The following CD247 variants were observed in gnomAD, a reference collection of about 807,000 sequenced individuals.
CD247 encodes CD247 molecule.
CD247 carries 13 observed loss-of-function variants against 30.0 expected under a neutral mutation model. That is an observed-to-expected ratio of 0.43 (90% CI 0.28 to 0.69). The LOEUF is 0.69. CD247 is among the 30% of genes least tolerant of loss of function. CD247 has a pLI of 0.16. For synonymous variants in CD247, 72 were observed against 80.0 expected (o/e 0.90, Z 0.53); for missense variants, 193 against 212.6 (o/e 0.91, Z 0.57).
intron 1 of CD247, among the ~76,000 whole-genome samples, chr1:167,510,424 C>T (rs1481900764): frequency 6.6e-6 from 1 of 152,210 alleles, no homozygotes; most frequent in African/African-American, 2.4e-5. Flanking sequence ...ACATTGCCAA[C>T]ACCCACACTG....
At chr1:167,470,819 C>T (rs1307118713) in intron 1 of CD247, among the ~76,000 whole-genome samples, 1 of 151,198 alleles carries the variant, frequency 6.6e-6, no homozygotes, top group African/African-American at 2.4e-5. Context: ...TATAGTGCTG[C>T]AGTCAACATC....
Position 167,469,156 on chromosome 1 carries a change from T to C in CD247, c.59-28389A>G, listed in dbSNP as rs540832893. ...TGCCACAGTGCCCGGCTAATTTTTGTATTTTTAGTAGAGACAGGGTTTCAC... is the reference window on the plus strand; with the variant it reads ...TGCCACAGTGCCCGGCTAATTTTTGCATTTTTAGTAGAGACAGGGTTTCAC... On this transcript the variant is annotated intron_variant, in intron 1 of 7. Transcript: ENST00000362089. 1.8e-4 allele frequency among the ~76,000 whole-genome samples: 27 copies of C among 152,280 alleles called. No individual in the cohort carries two copies. In the East Asian group the frequency reaches 5.0e-3, roughly 28 times the overall value.
At chr1:167,487,163 G>A (rs1051850334) in intron 1 of CD247, among the ~76,000 whole-genome samples, 8 of 123,536 alleles carry the variant, frequency 6.5e-5, no homozygotes, top group African/African-American at 2.5e-4. Context: ...TGGATCACGG[G>A]GTCAGGAGTT....
chr1:167,502,020 T>C (rs533948175), intron 1 of CD247, among the ~76,000 whole-genome samples: 5 of 152,328 alleles, frequency 3.3e-5, no homozygotes, highest in African/African-American at 1.2e-4. Context: ...CACCCTCCCT[T>C]CTGACACGCA....
intron 2 of CD247, 98 bp from the exon 3 acceptor site, chr1:167,439,498 C>A: frequency 9.6e-7 from 1 of 1,044,506 alleles, no homozygotes. Context: ...AGCCCTACTC[C>A]GCTCCTTGGC....
intron 6 of CD247, among the ~76,000 whole-genome samples, chr1:167,433,734 T>C (rs1213081651): frequency 1.3e-5 from 2 of 152,262 alleles, no homozygotes; most frequent in African/African-American, 4.8e-5. Flanking sequence ...CGGCAGCACA[T>C]ATTAAGCACT....
Position 167,518,517 on chromosome 1 carries a change from G to C in CD247, c.-52C>G. ...GGGAGGCAGAGGCTGAGGCAGCGGT[G>C]GCCGGGACGGTTAGGAGAAAAGGAG... On this transcript the variant is annotated 5_prime_UTR_variant, in exon 1 of 8. Coordinates refer to ENST00000362089, the MANE Select transcript of CD247 (RefSeq NM_198053.3). 6.6e-7 allele frequency: 1 copy of C among 1,517,916 alleles called. No individual in the cohort carries two copies. Among genetic ancestry groups the C allele is most frequent in the Non-Finnish European group, 9.1e-7 (1 of 1,094,476 alleles). The allele number at this position is 1,517,916 out of a possible 1,614,324, so 94.0% of individuals were successfully genotyped here. A position where few individuals can be genotyped will look rare whatever the true frequency, so the allele number is the denominator to read the frequency against.
At chr1:167,464,333 G>A (rs1326187488) in intron 1 of CD247, among the ~76,000 whole-genome samples, 1 of 152,200 alleles carries the variant, frequency 6.6e-6, no homozygotes, top group Non-Finnish European at 1.5e-5. Flanking sequence ...ATTGAAGGCA[G>A]CTTATTTGTT....
intron 1 of CD247, among the ~76,000 whole-genome samples, chr1:167,489,552 T>G (rs1654354234): frequency 6.6e-6 from 1 of 152,206 alleles, no homozygotes; most frequent in Non-Finnish European, 1.5e-5. Context: ...ACCTAGAGGC[T>G]GTTTGCTCAG....
At chr1:167,477,065 C>G (rs921530559) in intron 1 of CD247, among the ~76,000 whole-genome samples, 8 of 152,220 alleles carry the variant, frequency 5.3e-5, no homozygotes, top group Admixed American at 5.2e-4. Flanking sequence ...GCTGAAAGCT[C>G]TCCTCCTGCT....
intron 4 of CD247, among the ~76,000 whole-genome samples, chr1:167,436,084 CA>C (rs987340771): frequency 1.3e-5 from 2 of 152,184 alleles, no homozygotes; most frequent in African/African-American, 2.4e-5. Flanking sequence ...CCTAACAAGT[CA>C]AATTTAACAA....
chr1:167,514,431 T>C (rs1655517661), intron 1 of CD247, among the ~76,000 whole-genome samples: 3 of 152,194 alleles, frequency 2.0e-5, no homozygotes. Flanking sequence ...TTGATAATTA[T>C]TGCACATTGA....
At chr1:167,449,922 CAA>C (rs35198588) in intron 1 of CD247, among the ~76,000 whole-genome samples, 1 of 136,542 alleles carries the variant, frequency 7.3e-6, no homozygotes, top group African/African-American at 2.7e-5. Context: ...GACTCTGTCT[CAA>C]AAAAAAAAAA....
chr1:167,449,149 C>CTTTTTTTTTTTTTTTTTTTTTTT (rs71097676), intron 1 of CD247, among the ~76,000 whole-genome samples: 1 of 66,422 alleles, frequency 1.5e-5, no homozygotes, highest in East Asian at 7.0e-4. Flanking sequence ...TTTTTCTTTT[C>CTTTTTTTTTTTTTTTTTTTTTTT]TTTTTTTTTT....
intron 1 of CD247, among the ~76,000 whole-genome samples, chr1:167,449,343 G>A (rs139795548): frequency 0.011 from 1,734 of 151,022 alleles, 34 homozygotes; most frequent in African/African-American, 0.04. Context: ...TAGCAGAGAC[G>A]GGGTTTCACC....
At chr1:167,516,200 G>A (rs139472879) in intron 1 of CD247, among the ~76,000 whole-genome samples, 4 of 152,218 alleles carry the variant, frequency 2.6e-5, no homozygotes, top group East Asian at 1.9e-4. Context: ...CACACTGACC[G>A]CTGGGTGCAT....
At chr1:167,506,023 C>G (rs1220319750) in intron 1 of CD247, among the ~76,000 whole-genome samples, 1 of 152,170 alleles carries the variant, frequency 6.6e-6, no homozygotes, top group East Asian at 1.9e-4. Context: ...GCTGAATTTG[C>G]CATTTGCTTA....
At chr1:167,477,459 T>G (rs1653797702) in intron 1 of CD247, among the ~76,000 whole-genome samples, 1 of 152,216 alleles carries the variant, frequency 6.6e-6, no homozygotes, top group African/African-American at 2.4e-5. Context: ...GCCCAGAGCT[T>G]CCTTCCTCAC....
chr1:167,458,567 C>T (rs1199747650), intron 1 of CD247: 2 of 152,186 alleles, frequency 1.3e-5, no homozygotes, highest in Non-Finnish European at 2.9e-5. Flanking sequence ...TTCAGCTTGA[C>T]GAACTTTTAC....
Sources: allele counts gnomAD v4.1 joint callset (sites outside exome capture counted in the v4.1 genomes callset), GRCh38; gene constraint gnomAD v4.1.1; transcripts MANE v1.5; gene names NCBI Gene and HGNC (gene_info 2026-07-23, HGNC 2026-07-21).